The following FBXL17 variants were observed in gnomAD, a reference collection of about 807,000 sequenced individuals.
FBXL17 encodes F-box and leucine rich repeat protein 17.
FBXL17 carries 22 observed loss-of-function variants against 66.2 expected under a neutral mutation model. The ratio of observed to expected loss-of-function variants is 0.33; its 90% CI spans 0.24 to 0.47. FBXL17 has a LOEUF of 0.47. Among genes scored for constraint, FBXL17 ranks in the 20% least tolerant of loss-of-function variants. The pLI is 1.00. For synonymous variants in FBXL17, 474 were observed against 400.5 expected (o/e 1.18, Z -2.19); for missense variants, 878 against 948.2 (o/e 0.93, Z 0.97).
At chr5:107,944,725 T>A (rs761549732) in intron 7 of FBXL17, among the ~76,000 whole-genome samples, 1 of 152,106 alleles carries the variant, frequency 6.6e-6, no homozygotes, top group Non-Finnish European at 1.5e-5. Flanking sequence ...TTCAATTAAA[T>A]CACACTGAAA....
intron 7 of FBXL17, among the ~76,000 whole-genome samples, chr5:107,968,974 T>C (rs1752258094): frequency 6.6e-6 from 1 of 152,020 alleles, no homozygotes; most frequent in Non-Finnish European, 1.5e-5. Flanking sequence ...TCCCCAAAAT[T>C]ACCCAAGCAT....
At chr5:108,074,746 C>T (rs1356154196) in intron 6 of FBXL17, among the ~76,000 whole-genome samples, 4 of 152,164 alleles carry the variant, frequency 2.6e-5, no homozygotes, top group Admixed American at 1.3e-4. Flanking sequence ...ATTACCCGAT[C>T]GCTTTGGCTT....
intron 4 of FBXL17, among the ~76,000 whole-genome samples, chr5:108,335,961 G>A (rs1216389245): frequency 6.6e-6 from 1 of 151,978 alleles, no homozygotes; most frequent in Non-Finnish European, 1.5e-5. Context: ...TAGTTTGGCA[G>A]AACCAACACT....
intron 1 of FBXL17, among the ~76,000 whole-genome samples, chr5:108,379,125 T>TA (rs1267244253): frequency 6.6e-6 from 1 of 152,236 alleles, no homozygotes; most frequent in Non-Finnish European, 1.5e-5. Context: ...TTTATTCTAT[T>TA]AGAGTTTCTC....
intron 6 of FBXL17, among the ~76,000 whole-genome samples, chr5:108,151,460 G>A (rs1025308885): frequency 5.3e-5 from 8 of 152,122 alleles, no homozygotes; most frequent in African/African-American, 1.9e-4. Flanking sequence ...TATTTGCTGT[G>A]GATCTTACTT....
intron 8 of FBXL17, among the ~76,000 whole-genome samples, chr5:107,870,932 A>C (rs988098940): frequency 2.0e-5 from 3 of 152,024 alleles, no homozygotes; most frequent in Admixed American, 1.3e-4. Context: ...CGACCTGCTA[A>C]ATATGGGAAT....
At chr5:108,195,872 G>C (rs544649385) in intron 5 of FBXL17, among the ~76,000 whole-genome samples, 13 of 152,206 alleles carry the variant, frequency 8.5e-5, no homozygotes, top group African/African-American at 3.1e-4. Context: ...GTTTTGGTTT[G>C]AGCAATCAGA....
At chr5:108,300,468 T>A (rs993603389) in intron 4 of FBXL17, among the ~76,000 whole-genome samples, 2 of 151,986 alleles carry the variant, frequency 1.3e-5, no homozygotes, top group Admixed American at 6.6e-5. Context: ...AATTAAATGG[T>A]TGAATCAAAT....
intron 6 of FBXL17, among the ~76,000 whole-genome samples, chr5:108,182,579 C>G (rs565926470): frequency 6.6e-6 from 1 of 152,284 alleles, no homozygotes; most frequent in African/African-American, 2.4e-5. Flanking sequence ...TGCATGTTTT[C>G]TTAATTAATC....
At chr5:108,202,616 T>C (rs970024590) in intron 5 of FBXL17, among the ~76,000 whole-genome samples, 2 of 152,088 alleles carry the variant, frequency 1.3e-5, no homozygotes, top group Admixed American at 6.6e-5. Context: ...TTTTCCTATA[T>C]AGTAACAGGT....
At chr5:107,971,978 C>T (rs1752390179) in intron 7 of FBXL17, among the ~76,000 whole-genome samples, 1 of 152,340 alleles carries the variant, frequency 6.6e-6, no homozygotes, top group South Asian at 2.1e-4. Context: ...TTATTATACT[C>T]ATTCACTAGA....
chr5:108,118,495 G>A lies in FBXL17; in HGVS notation c.1745+67622C>T, dbSNP rs574143056. On this transcript the variant is annotated intron_variant, in intron 6 of 8. Coordinates refer to ENST00000542267, the MANE Select transcript of FBXL17 (RefSeq NM_001163315.3). ...GATCTTTTGCAACACATCCTTGATC[G>A]CACTTAAGTTCATCCTTTCCTTTCC... is the stretch of plus-strand genomic sequence containing the variant. Among the ~76,000 whole-genome samples the A allele has an allele frequency of 4.5e-4, 68 of 152,172 alleles. No homozygotes were observed. In the East Asian group the frequency reaches 0.011, roughly 25 times the overall value.
At chr5:108,007,461 T>C (rs1483357462) in intron 7 of FBXL17, among the ~76,000 whole-genome samples, 1 of 152,096 alleles carries the variant, frequency 6.6e-6, no homozygotes, top group Non-Finnish European at 1.5e-5. Flanking sequence ...TAGATAGAAA[T>C]GTAATAGTCC....
At chr5:107,959,991 CAG>C (rs1751828740) in intron 7 of FBXL17, among the ~76,000 whole-genome samples, 1 of 152,162 alleles carries the variant, frequency 6.6e-6, no homozygotes, top group African/African-American at 2.4e-5. Context: ...CCACGTGACA[CAG>C]AAGTCCCAGG....
chr5:108,079,657 C>T (rs534795381), intron 6 of FBXL17, among the ~76,000 whole-genome samples: 1 of 152,218 alleles, frequency 6.6e-6, no homozygotes, highest in South Asian at 2.1e-4. Flanking sequence ...ATTATAGGCT[C>T]ACTGGGAAAA....
chr5:108,190,617 C>A (rs1753433157), intron 5 of FBXL17, among the ~76,000 whole-genome samples: 1 of 152,122 alleles, frequency 6.6e-6, no homozygotes, highest in Non-Finnish European at 1.5e-5. Context: ...TTATTTTTCA[C>A]AAGATTTTGC....
At chr5:108,127,283 T>C (rs1442988453) in intron 6 of FBXL17, among the ~76,000 whole-genome samples, 1 of 152,200 alleles carries the variant, frequency 6.6e-6, no homozygotes, top group Admixed American at 6.5e-5. Context: ...CCCACAGTGA[T>C]AAATTCTGAT....
chr5:108,288,303 GA>G lies in FBXL17; in HGVS notation c.1506+60095del, dbSNP rs1405838777. Among the ~76,000 whole-genome samples, 641 of 139,322 alleles carry G rather than the reference GA, an allele frequency of 4.6e-3. 6 individuals carry two copies. Among genetic ancestry groups the G allele is most frequent in the African/African-American group, 0.014 (544 of 38,128 alleles). The allele number at this position is 139,322 out of a possible 152,430, so 91.4% of individuals were successfully genotyped here. The stretch of plus-strand genomic sequence containing the variant: ...CAAAAAAAGCTGAAGGTAACATTTA[GA>G]AAAAAAAAAAAGTTGTGAGAGTTAC... On this transcript the variant is annotated intron_variant, in intron 4 of 8. Coordinates refer to ENST00000542267, the MANE Select transcript of FBXL17 (RefSeq NM_001163315.3).
At chr5:108,203,059 A>C (rs931035416) in intron 5 of FBXL17, among the ~76,000 whole-genome samples, 3 of 152,146 alleles carry the variant, frequency 2.0e-5, no homozygotes, top group African/African-American at 7.2e-5. Flanking sequence ...AAGGTCATAA[A>C]GTTTTTAAGT....
Sources: allele counts gnomAD v4.1 joint callset (sites outside exome capture counted in the v4.1 genomes callset), GRCh38; gene constraint gnomAD v4.1.1; transcripts MANE v1.5; gene names NCBI Gene and HGNC (gene_info 2026-07-23, HGNC 2026-07-21).